SPIDR: variants seen among roughly 807,000 people sequenced by gnomAD.
SPIDR encodes scaffold protein involved in DNA repair, also known as DNA repair-scaffolding protein.
A neutral mutation model predicts 104.6 loss-of-function variants in SPIDR; 93 were observed. The observed-to-expected ratio is 0.89, with a 90% CI of 0.75 to 1.06. The LOEUF (loss-of-function observed/expected upper bound fraction) is 1.06, where lower values mean the gene tolerates loss of function less well. SPIDR is among the 50% of genes least tolerant of loss of function. The probability of loss-of-function intolerance (pLI) is 0.00; values close to 1 mark genes in which losing one functional copy is unlikely to be tolerated. For missense variants in SPIDR, 1,154 were observed against 1,111.2 expected (o/e 1.04, Z -0.55); for synonymous variants, 431 against 416.9 (o/e 1.03, Z -0.41).
rs891330137 is a variant in SPIDR, at chr8:47,293,986, A to T, written c.481A>T (p.Asn161Tyr). ...EISDCASCAS[N>Y]QSLTSDEKLS... ...CTCAGACTGTGCTTCTTGTGCAAGT[A>T]ATCAGTCTTTGACAAGTGATGAGAA... is the stretch of plus-strand genomic sequence containing the variant. The change falls in exon 5 of 20, where the codon AAT (asparagine) becomes TAT (tyrosine). Residue 161 changes from asparagine (N) to tyrosine (Y), a missense_variant. By Grantham distance (143) the Asn-to-Tyr change is moderately radical (BLOSUM62 -2). Transcript: ENST00000297423. 1.2e-6 allele frequency: 2 copies of T among 1,614,180 alleles called. No individual in the cohort carries two copies. Among genetic ancestry groups the T allele is most frequent in the African/African-American group, 2.7e-5 (2 of 75,050 alleles).
intron 9 of SPIDR, among the ~76,000 whole-genome samples, chr8:47,598,604 G>C (rs985799358): frequency 1.3e-5 from 2 of 152,090 alleles, no homozygotes; most frequent in Non-Finnish European, 2.9e-5. Context: ...TGTTCTGTTG[G>C]AATTCTTACC....
intron 8 of SPIDR, among the ~76,000 whole-genome samples, chr8:47,472,092 C>G (rs539795107): frequency 6.6e-6 from 1 of 152,198 alleles, no homozygotes; most frequent in Non-Finnish European, 1.5e-5. Context: ...TGCAGTAACC[C>G]TCAGAGTTTT....
intron 5 of SPIDR, among the ~76,000 whole-genome samples, chr8:47,328,089 A>G (rs2048007361): frequency 1.3e-5 from 2 of 148,270 alleles, no homozygotes; most frequent in African/African-American, 2.5e-5. Context: ...CAGTTTATCT[A>G]TTATTTCTTC....
At chr8:47,471,349 A>G (rs550897104) in intron 8 of SPIDR, among the ~76,000 whole-genome samples, 2 of 150,576 alleles carry the variant, frequency 1.3e-5, no homozygotes, top group East Asian at 1.9e-4. Context: ...AAAACAGCCC[A>G]GTTCAAAAAT....
chr8:47,491,381 A>T (rs1374959603), intron 8 of SPIDR, among the ~76,000 whole-genome samples: 1 of 152,122 alleles, frequency 6.6e-6, no homozygotes, highest in African/African-American at 2.4e-5. Context: ...ACAGATCCAG[A>T]CCTATTTAGA....
At chr8:47,435,669 T>C (rs1554691624) in intron 7 of SPIDR, among the ~76,000 whole-genome samples, 1 of 152,242 alleles carries the variant, frequency 6.6e-6, no homozygotes, top group African/African-American at 2.4e-5. Context: ...TGACAAGTTA[T>C]CTTCTTTTTC....
At chr8:47,456,645 G>A (rs990405736) in intron 8 of SPIDR, among the ~76,000 whole-genome samples, 1 of 152,048 alleles carries the variant, frequency 6.6e-6, no homozygotes, top group Non-Finnish European at 1.5e-5. Context: ...TTGGGAAACA[G>A]GTGGCATTTG....
chr8:47,644,608 C>A (rs959242830), intron 10 of SPIDR, among the ~76,000 whole-genome samples: 2 of 152,190 alleles, frequency 1.3e-5, no homozygotes, highest in Non-Finnish European at 2.9e-5. Context: ...TTACTTTTCT[C>A]ATTTGTAAAA....
At chr8:47,544,705 G>C (rs545225589) in intron 8 of SPIDR, among the ~76,000 whole-genome samples, 3 of 152,198 alleles carry the variant, frequency 2.0e-5, no homozygotes, top group South Asian at 4.1e-4. Context: ...GTGTTTCTTT[G>C]TACCATCACA....
At chr8:47,596,029 G>T (rs748027933) in intron 9 of SPIDR, 23 bp downstream of exon 9, 1 of 1,583,306 alleles carries the variant, frequency 6.3e-7, no homozygotes, top group Non-Finnish European at 8.6e-7. Flanking sequence ...TGGCCTAAAG[G>T]TTTTATGCTT....
intron 11 of SPIDR, among the ~76,000 whole-genome samples, chr8:47,691,307 A>G (rs1306077585): frequency 2.0e-5 from 3 of 151,724 alleles, no homozygotes; most frequent in Admixed American, 6.6e-5. Flanking sequence ...AAAAAAAAAA[A>G]AAAGAGAGAA....
At chr8:47,484,854 C>A (rs562935477) in intron 8 of SPIDR, among the ~76,000 whole-genome samples, 2 of 152,132 alleles carry the variant, frequency 1.3e-5, no homozygotes, top group Non-Finnish European at 2.9e-5. Flanking sequence ...GAAACAGATC[C>A]AGACCCGGAC....
At position 47,444,597 on chromosome 8, in the gene SPIDR, GCTTT is replaced by G. The variant is rs572512606; in HGVS notation, c.1097+4058_1097+4061del. On this transcript the variant is annotated intron_variant, in intron 8 of 19. Coordinates refer to ENST00000297423, the MANE Select transcript of SPIDR (RefSeq NM_001080394.4). ...CCTCTTATTTAGAATTGTTAAGGTT[GCTTT>G]CTATTTTTAGCTGTTTTAAACACTG... 3.9e-5 allele frequency among the ~76,000 whole-genome samples: 6 copies of G among 152,278 alleles called. No individual in the cohort carries two copies. In the East Asian group the frequency reaches 1.2e-3, roughly 29 times the overall value.
intron 1 of SPIDR, among the ~76,000 whole-genome samples, chr8:47,265,165 C>T (rs1246786517): frequency 3.4e-5 from 5 of 146,330 alleles, no homozygotes; most frequent in African/African-American, 1.3e-4. Context: ...AATTAGACTA[C>T]TTAGTATTGA....
At chr8:47,338,867 G>C (rs1374259131) in intron 5 of SPIDR, among the ~76,000 whole-genome samples, 6 of 152,156 alleles carry the variant, frequency 3.9e-5, no homozygotes, top group African/African-American at 1.4e-4. Flanking sequence ...TACCATCCCA[G>C]CTGTTGTGGG....
rs1589312765 is a variant in SPIDR, at chr8:47,700,481, C to T, written c.1764C>T (p.Pro588=). ...TGAAAACACCTGGCCGCGACCAGCCCTGTGAAGAGGTAAGCCCGGCACTGG... is the reference window on the plus strand; with the variant it reads ...TGAAAACACCTGGCCGCGACCAGCCTTGTGAAGAGGTAAGCCCGGCACTGG... ...IPLKTPGRDQ[P]CEEIKTHLPP... is the part of the protein sequence containing the mutation. The change falls in exon 12 of 20, where the codon CCC becomes CCT. Residue 588 remains proline (P), a synonymous_variant. Transcript: ENST00000297423. 2.5e-6 allele frequency: 4 copies of T among 1,614,066 alleles called. No homozygotes were observed. In the East Asian group the frequency reaches 8.9e-5, roughly 36 times the overall value.
At chr8:47,276,849 CTCT>C (rs1421275881) in intron 1 of SPIDR, 7 of 151,752 alleles carry the variant, frequency 4.6e-5, no homozygotes, top group African/African-American at 1.2e-4. Flanking sequence ...GATCAGCACC[CTCT>C]TCTTCTGTTC....
intron 7 of SPIDR, among the ~76,000 whole-genome samples, chr8:47,421,693 T>C (rs2065497902): frequency 6.6e-6 from 1 of 152,220 alleles, no homozygotes; most frequent in Admixed American, 6.5e-5. Flanking sequence ...TCTCTGCTTT[T>C]TAGAATTTTT....
intron 5 of SPIDR, among the ~76,000 whole-genome samples, chr8:47,312,167 C>T (rs2044307181): frequency 2.0e-5 from 3 of 152,140 alleles, no homozygotes; most frequent in Admixed American, 2.0e-4. Flanking sequence ...GTGAATAGTG[C>T]CGCAGTAAAC....
Sources: gnomAD v4.1 joint callset for allele counts (sites outside exome capture counted in the v4.1 genomes callset) on GRCh38, gnomAD v4.1.1 for gene constraint, MANE v1.5 for transcripts, NCBI Gene and HGNC (gene_info 2026-07-23, HGNC 2026-07-21) for gene names.